Variants in IL9R observed in about 807,000 individuals in gnomAD.
IL9R encodes the protein interleukin-9 receptor.
A neutral mutation model predicts 56.3 loss-of-function variants in IL9R; 54 were observed. That is an observed-to-expected ratio of 0.96 (90% CI 0.77 to 1.20). IL9R has a LOEUF of 1.20. Among genes scored for constraint, IL9R ranks in the 50% most tolerant of loss-of-function variants. IL9R has a pLI of 0.00. For missense variants in IL9R, 545 were observed against 629.8 expected (o/e 0.87, Z 1.44); for synonymous variants, 212 against 250.2 (o/e 0.85, Z 1.44).
At chrX:156,000,398 G>C (rs1271408858) in intron 1 of IL9R, among the ~76,000 whole-genome samples, 1 of 152,132 alleles carries the variant, frequency 6.6e-6, no homozygotes, top group Non-Finnish European at 1.5e-5. Flanking sequence ...AGGCCTAGTA[G>C]GCATCTGGGC....
rs6522 is a variant in IL9R, at chrX:156,005,413, G to C, written c.715G>C (p.Glu239Gln). Residue 239 changes from glutamate (E) to glutamine (Q), a missense_variant, in exon 6 of 9, where the codon GAG becomes CAG. By Grantham distance (29) the Glu-to-Gln change is conservative. This residue lies in a region of IL9R where 431 missense variants were observed against 360.0 expected (regional missense o/e 1.20). Transcript: ENST00000244174. ...ACTGGAGGATGATGTGGTAGAGGAGGAGCGTTATACAGGCCAGTGGAGTGA... is the reference window on the plus strand; with the variant it reads ...ACTGGAGGATGATGTGGTAGAGGAGCAGCGTTATACAGGCCAGTGGAGTGA... Reference protein sequence around the residue: ...ATLEDDVVEEERYTGQWSEWS... With the variant: ...ATLEDDVVEEQRYTGQWSEWS... 1,950 of 1,613,204 alleles carry C rather than the reference G, an allele frequency of 1.2e-3. 25 individuals are homozygous for C. In the African/African-American group the frequency reaches 0.023, roughly 19 times the overall value.
At chrX:156,008,406 TGA>T (rs1443308587) in intron 8 of IL9R, among the ~76,000 whole-genome samples, 2 of 150,926 alleles carry the variant, frequency 1.3e-5, no homozygotes, top group African/African-American at 5.0e-5. Context: ...TCTCTCTCAA[TGA>T]GGAGCGTAGT....
Position 155,997,766 on chromosome X carries a change from C to T in IL9R, c.7C>T (p.Leu3=), listed in dbSNP as rs533910398. MG[L]GRCIWEGWTL... ...GGGATGCCTCAGACTTGTGATGGGA[C>T]TGGGCAGATGCATCTGGGAAGGTGA... Residue 3 remains leucine (L), a synonymous_variant, in exon 1 of 9, where the codon CTG becomes TTG. Transcript: ENST00000244174. 5.0e-6 allele frequency: 8 copies of T among 1,613,610 alleles called. No individual in the cohort carries two copies. Among genetic ancestry groups the T allele is most frequent in the Non-Finnish European group, 6.8e-6 (8 of 1,179,730 alleles).
At position 156,005,963 on chromosome X, in the gene IL9R, C is replaced by T. The variant is rs1026236485; in HGVS notation, c.782-120C>T. 1.0e-5 allele frequency: 7 copies of T among 692,674 alleles called. No individual in the cohort carries two copies. In the African/African-American group the frequency reaches 1.1e-4, roughly 11 times the overall value. 42.9% of individuals were successfully genotyped at this position (692,674 alleles called of 1,614,324 possible). On this transcript the variant is annotated intron_variant, in intron 6 of 8. Transcript: ENST00000244174. ...CAGCAGGTGACACAAACCTCCAAGGCCCATCACAAACCTTCCACTTTGGCC... is the reference window on the plus strand; with the variant it reads ...CAGCAGGTGACACAAACCTCCAAGGTCCATCACAAACCTTCCACTTTGGCC...
chrX:156,005,574 T>C, intron 6 of IL9R, 95 bp downstream of exon 6: 1 of 1,049,006 alleles, frequency 9.5e-7, no homozygotes, highest in Non-Finnish European at 1.5e-6. Context: ...CACCCTCCTG[T>C]AAGCCCCTCC....
chrX:156,004,757 G>A (rs961789322), intron 5 of IL9R, among the ~76,000 whole-genome samples, 192 bp downstream of exon 5: 10 of 152,194 alleles, frequency 6.6e-5, no homozygotes, highest in African/African-American at 2.4e-4. Flanking sequence ...GGAGTAGGGT[G>A]AGTGCGCCTG....
intron 1 of IL9R, among the ~76,000 whole-genome samples, chrX:156,001,123 C>G (rs1461224722): frequency 6.6e-5 from 10 of 152,168 alleles, no homozygotes; most frequent in Non-Finnish European, 1.5e-4. Flanking sequence ...GCCCTACCAT[C>G]CCCCTTCCCT....
chrX:155,998,624 C>T lies in IL9R; in HGVS notation c.28+837C>T, dbSNP rs769599555. 3.3e-5 allele frequency among the ~76,000 whole-genome samples: 5 copies of T among 152,058 alleles called. No individual in the cohort carries two copies. The South Asian group carries it at 8.3e-4, about 25-fold the overall frequency. On this transcript the variant is annotated intron_variant, in intron 1 of 8. Coordinates refer to ENST00000244174, the MANE Select transcript of IL9R (RefSeq NM_002186.3). ...TGAGACAGTATCAAGAGTGGGTATC[C>T]TCTCAGCGTGTCTTCAAGTAGCATC...
chrX:156,006,981 G>A (rs1038124177), intron 7 of IL9R, among the ~76,000 whole-genome samples: 1 of 151,616 alleles, frequency 6.6e-6, no homozygotes, highest in African/African-American at 2.4e-5. Context: ...GTCTCATGAG[G>A]GGAAATAGAA....
Position 156,004,437 on chromosome X carries a change from T to A in IL9R, c.451T>A (p.Ser151Thr). 6.2e-7 allele frequency: 1 copy of A among 1,613,894 alleles called. No homozygotes were observed. Among genetic ancestry groups the A allele is most frequent in the Non-Finnish European group, 8.5e-7 (1 of 1,179,824 alleles). Residue 151 changes from serine to threonine, a missense_variant, in exon 5 of 9, where the codon TCT becomes ACT. By Grantham distance (58) the Ser-to-Thr change is moderately conservative. Around this residue, in one of 2 missense-constraint regions of IL9R, gnomAD observed 431 missense variants for 360.0 expected, o/e 1.20. Transcript: ENST00000244174. Reference protein sequence around the residue: ...PRRHVKLDPPSDLQSNISSGH... With the variant: ...PRRHVKLDPPTDLQSNISSGH... ...TGTTCCAGTTAAGCTGGACCCGCCC[T>A]CTGACTTGCAGAGCAACATCAGTTC...
rs2067866681 is a variant in IL9R at position 156,005,490 on chromosome X, C to T, written c.781+11C>T. The T allele has an allele frequency of 1.2e-6, 2 of 1,608,502 alleles. No individual in the cohort carries two copies. The highest frequency in any genetic ancestry group is 1.7e-5 in the Admixed American group (1 of 59,972). The stretch of plus-strand genomic sequence containing the variant: ...CTCCCCAGAGACAAGGTGGGCACTG[C>T]TGTGGCTGCTGCACTTCCAGCGGAG... On this transcript the variant is annotated intron_variant, in intron 6 of 8. Transcript: ENST00000244174.
At position 156,007,308 on chromosome X, in the gene IL9R, C is replaced by T. The variant is rs755829466; in HGVS notation, c.888-215C>T. Among the ~76,000 whole-genome samples the T allele has an allele frequency of 5.8e-3, 865 of 148,130 alleles. 7 individuals carry two copies. The highest frequency in any genetic ancestry group is 7.5e-3 in the African/African-American group (299 of 39,678). On this transcript the variant is annotated intron_variant, in intron 7 of 8. Transcript: ENST00000244174. The stretch of plus-strand genomic sequence containing the variant: ...CGCAGCTCACGCTGTAAAGGACGCG[C>T]GCCTCAGTATAAATCAGTTCTATGC...
At chrX:156,002,829 G>A in intron 1 of IL9R, 77 bp from the exon 2 acceptor site, 1 of 1,608,476 alleles carries the variant, frequency 6.2e-7, no homozygotes, top group Middle Eastern at 2.2e-4. Flanking sequence ...GGAGCACTCT[G>A]CTGGGGAGCA....
chrX:156,010,116 G>T lies in IL9R; in HGVS notation c.1273G>T (p.Asp425Tyr), dbSNP rs1163280677. 1 of 1,584,778 alleles carries T rather than the reference G, an allele frequency of 6.3e-7. No homozygotes were observed. The highest frequency in any genetic ancestry group is 8.5e-7 in the Non-Finnish European group (1 of 1,177,218). The stretch of plus-strand genomic sequence containing the variant: ...GTCCCTGACTAGGCCGGCTCCCCCA[G>T]ACTCAGAGGGCAGCAGGAGCAGCAG... ...PTSLTRPAPP[D>Y]SEGSRSSSSS... Residue 425 changes from aspartate to tyrosine, a missense_variant, in exon 9 of 9, where the codon GAC becomes TAC. Physicochemically the swap from Asp to Tyr is radical, Grantham distance 160 (BLOSUM62 -3). Around this residue, in one of 2 missense-constraint regions of IL9R, gnomAD observed 114 missense variants for 269.8 expected, o/e 0.42. Coordinates refer to ENST00000244174, the MANE Select transcript of IL9R (RefSeq NM_002186.3).
rs2067241853 is a variant in IL9R at position 155,997,768 on chromosome X, G to A, written c.9G>A (p.Leu3=). The change falls in exon 1 of 9, where the codon CTG becomes CTA. Residue 3 remains leucine, a synonymous_variant. Coordinates refer to ENST00000244174, the MANE Select transcript of IL9R (RefSeq NM_002186.3). ...GATGCCTCAGACTTGTGATGGGACT[G>A]GGCAGATGCATCTGGGAAGGTGAGT... MG[L]GRCIWEGWTL... 6.2e-7 allele frequency: 1 copy of A among 1,613,716 alleles called. No homozygotes were observed. Among genetic ancestry groups the A allele is most frequent in the East Asian group, 2.2e-5 (1 of 44,866 alleles).
intron 7 of IL9R, 140 bp from the exon 8 acceptor site, chrX:156,007,383 G>C: frequency 1.5e-6 from 1 of 671,006 alleles, no homozygotes; most frequent in Non-Finnish European, 2.7e-6. Context: ...GAGTGGGTTG[G>C]AATGTGATGA....
chrX:156,005,276 A>C lies in IL9R; in HGVS notation c.580-2A>C. ...ACCTGCTAACTGTCCCCACCCCCAC[A>C]GCAGGCCCAGCACAGGGATCACATT... On this transcript the variant is annotated splice_acceptor_variant, in intron 5 of 8. Transcript: ENST00000244174. LOFTEE classifies it high-confidence loss of function. The C allele has an allele frequency of 6.2e-7, 1 of 1,611,932 alleles. No individual in the cohort carries two copies. The highest frequency in any genetic ancestry group is 8.5e-7 in the Non-Finnish European group (1 of 1,179,766).
intron 2 of IL9R, 31 bp downstream of exon 2, chrX:156,003,050 G>A (rs1403691001): frequency 2.5e-6 from 4 of 1,613,350 alleles, no homozygotes; most frequent in South Asian, 2.2e-5. Flanking sequence ...TCTGTATGAG[G>A]TGGGTGGAGA....
At chrX:156,001,640 TA>T (rs373139708) in intron 1 of IL9R, 753,400 of 753,402 alleles carry the variant, frequency 1, 376,699 homozygotes, top group Middle Eastern at 1. Flanking sequence ...TTTAAGGCTG[TA>T]AGTCTGTGTG....
Sources: allele counts gnomAD v4.1 joint callset (sites outside exome capture counted in the v4.1 genomes callset), GRCh38; gene constraint gnomAD v4.1.1; regional missense constraint gnomAD v4.1.1; transcripts MANE v1.5; gene names NCBI Gene and HGNC (gene_info 2026-07-23, HGNC 2026-07-21).